The following RIMS2 variants were observed in gnomAD, a reference collection of about 807,000 sequenced individuals.
RIMS2 encodes the protein regulating synaptic membrane exocytosis protein 2.
In RIMS2, 59 loss-of-function variants were observed where a neutral mutation model predicts 174.4. The ratio of observed to expected loss-of-function variants is 0.34; its 90% CI spans 0.27 to 0.42. The LOEUF (loss-of-function observed/expected upper bound fraction) is 0.42, where lower values mean the gene tolerates loss of function less well. Ranked by LOEUF, RIMS2 falls within the 10% of genes least tolerant of loss-of-function variation. The pLI, the probability that RIMS2 is intolerant of heterozygous loss-of-function variation, is 1.00. For synonymous variants in RIMS2, 606 were observed against 572.5 expected (o/e 1.06, Z -0.84); for missense variants, 1,620 against 1,666.3 (o/e 0.97, Z 0.48).
At chr8:104,140,025 G>A (rs766130107) in intron 19 of RIMS2, among the ~76,000 whole-genome samples, 4 of 152,026 alleles carry the variant, frequency 2.6e-5, no homozygotes, top group Non-Finnish European at 4.4e-5. Flanking sequence ...ATTATCATAT[G>A]GTTTTTGTCC....
rs185245114 is a variant in RIMS2, at chr8:104,001,308, T to C, written c.3044+11887T>C. On this transcript the variant is annotated intron_variant, in intron 17 of 23. Transcript: ENST00000504942. ...TATCCCAATTACCCAAATTTGATCA[T>C]TACATATTATATATTTGTATCAAAA... 6.9e-3 allele frequency among the ~76,000 whole-genome samples: 1,043 copies of C among 152,106 alleles called. 3 individuals are homozygous for C. Among genetic ancestry groups the C allele is most frequent in the Admixed American group, 0.012 (177 of 15,254 alleles).
chr8:103,719,585 T>C (rs986384306), intron 2 of RIMS2, among the ~76,000 whole-genome samples: 1 of 152,240 alleles, frequency 6.6e-6, no homozygotes. Context: ...TAAATTACTA[T>C]GAACATGTTG....
At chr8:104,041,473 T>G (rs934845807) in intron 19 of RIMS2, 115 bp downstream of exon 22, 26 of 518,190 alleles carry the variant, frequency 5.0e-5, no homozygotes, top group Admixed American at 1.5e-4. Context: ...TATAACAAAA[T>G]ATTAAATCTT....
intron 19 of RIMS2, among the ~76,000 whole-genome samples, chr8:104,181,632 AG>A (rs2098940292): frequency 6.6e-6 from 1 of 151,754 alleles, no homozygotes; most frequent in Non-Finnish European, 1.5e-5. Flanking sequence ...TTCTCTTAAA[AG>A]TAATTTTATT....
At chr8:104,084,300 G>A (rs1228496206) in intron 19 of RIMS2, among the ~76,000 whole-genome samples, 1 of 151,928 alleles carries the variant, frequency 6.6e-6, no homozygotes, top group Non-Finnish European at 1.5e-5. Context: ...AATTAGCCGG[G>A]TGTGGTGGCA....
intron 1 of RIMS2, among the ~76,000 whole-genome samples, chr8:103,599,611 TAA>T (rs1379091957): frequency 7.0e-4 from 106 of 151,424 alleles, no homozygotes; most frequent in African/African-American, 2.5e-3. Flanking sequence ...GCTAATTAAT[TAA>T]TTTTTTTTGT....
At chr8:103,509,491 G>T (rs1402085002) in intron 1 of RIMS2, among the ~76,000 whole-genome samples, 1 of 152,050 alleles carries the variant, frequency 6.6e-6, no homozygotes, top group Non-Finnish European at 1.5e-5. Context: ...GGGAATTTTG[G>T]AAATATGAGT....
intron 19 of RIMS2, among the ~76,000 whole-genome samples, chr8:104,038,465 TAGAAGAG>T (rs2096555316): frequency 1.3e-5 from 2 of 151,922 alleles, no homozygotes; most frequent in Non-Finnish European, 2.9e-5. Flanking sequence ...TTGTTAGTTA[TAGAAGAG>T]TCTGGTAACT....
chr8:103,610,352 G>C (rs1450720294), intron 1 of RIMS2, among the ~76,000 whole-genome samples: 2 of 152,100 alleles, frequency 1.3e-5, no homozygotes, highest in East Asian at 1.9e-4. Context: ...CTCTGGTCAG[G>C]ACTTCCAATA....
At chr8:104,250,570 A>C (rs1391195822) in intron 22 of RIMS2, among the ~76,000 whole-genome samples, 2 of 152,066 alleles carry the variant, frequency 1.3e-5, no homozygotes, top group Non-Finnish European at 2.9e-5. Flanking sequence ...AATTTGATCA[A>C]TATCACATGA....
intron 15 of RIMS2, among the ~76,000 whole-genome samples, chr8:103,973,192 A>G (rs1186541093): frequency 2.0e-5 from 3 of 152,236 alleles, no homozygotes; most frequent in African/African-American, 7.2e-5. Flanking sequence ...GGACACAGTG[A>G]GAGCACTGGA....
intron 19 of RIMS2, among the ~76,000 whole-genome samples, chr8:104,114,823 G>T (rs1397847673): frequency 2.6e-5 from 4 of 151,714 alleles, no homozygotes; most frequent in African/African-American, 9.7e-5. Flanking sequence ...AATCATTTAA[G>T]TTTTTCATCT....
At chr8:104,249,211 G>A (rs958035499) in intron 21 of RIMS2, among the ~76,000 whole-genome samples, 10 of 151,842 alleles carry the variant, frequency 6.6e-5, no homozygotes, top group African/African-American at 2.4e-4. Flanking sequence ...GGGATTACAG[G>A]CATGAGCCAC....
At chr8:103,605,438 CA>C (rs1199096013) in intron 1 of RIMS2, among the ~76,000 whole-genome samples, 1 of 144,648 alleles carries the variant, frequency 6.9e-6, no homozygotes, top group East Asian at 2.0e-4. Flanking sequence ...CAATATTCAT[CA>C]AGGGTATTGG....
At chr8:103,518,056 G>T (rs1405175347) in intron 1 of RIMS2, among the ~76,000 whole-genome samples, 3 of 152,140 alleles carry the variant, frequency 2.0e-5, no homozygotes, top group Admixed American at 6.5e-5. Flanking sequence ...TGACATGCAG[G>T]CAGCCTGCCC....
At chr8:103,577,252 A>C (rs1413118955) in intron 1 of RIMS2, among the ~76,000 whole-genome samples, 2 of 152,232 alleles carry the variant, frequency 1.3e-5, no homozygotes, top group Non-Finnish European at 2.9e-5. Flanking sequence ...CCCCATCAAA[A>C]AGTGGGCAAA....
rs16870926 is a variant in RIMS2, at chr8:104,107,053, C to G, written c.3334+92438C>G. Among the ~76,000 whole-genome samples the G allele has an allele frequency of 1.0e-3, 158 of 152,206 alleles. 1 individual carries two copies. In the East Asian group the frequency reaches 0.021, roughly 20 times the overall value. ...AAAAAAAAATCCAAGAACACCTGGCCTGAGACTTTAGGATTTTAAGGAAGA... is the reference window on the plus strand; with the variant it reads ...AAAAAAAAATCCAAGAACACCTGGCGTGAGACTTTAGGATTTTAAGGAAGA... On this transcript the variant is annotated intron_variant, in intron 19 of 23. Coordinates refer to ENST00000504942, the Ensembl canonical transcript of RIMS2.
chr8:103,705,853 C>A (rs1362498315), intron 2 of RIMS2, among the ~76,000 whole-genome samples: 1 of 147,440 alleles, frequency 6.8e-6, no homozygotes, highest in East Asian at 2.0e-4. Context: ...TTTTTAAATT[C>A]ATTTCACTCC....
chr8:103,780,358 T>C (rs2098374938), intron 3 of RIMS2, among the ~76,000 whole-genome samples: 1 of 152,230 alleles, frequency 6.6e-6, no homozygotes, highest in Non-Finnish European at 1.5e-5. Flanking sequence ...CAACTCCCTC[T>C]TAGACACAAA....
Sources: gnomAD v4.1 joint callset for allele counts (sites outside exome capture counted in the v4.1 genomes callset) on GRCh38, gnomAD v4.1.1 for gene constraint, MANE v1.5 for transcripts, NCBI Gene and HGNC (gene_info 2026-07-23, HGNC 2026-07-21) for gene names.